Variants in HERC2 observed in about 807,000 individuals in gnomAD.
The protein encoded by HERC2 is E3 ubiquitin-protein ligase HERC2.
In HERC2, 102 loss-of-function variants were observed where a neutral mutation model predicts 537.7. The ratio of observed to expected loss-of-function variants is 0.19; its 90% CI spans 0.16 to 0.22. The LOEUF (loss-of-function observed/expected upper bound fraction) is 0.22. Ranked by LOEUF, HERC2 falls within the 10% of genes least tolerant of loss-of-function variation. The probability of loss-of-function intolerance (pLI) is 1.00; values close to 1 mark genes in which losing one functional copy is unlikely to be tolerated. For synonymous variants in HERC2, 2,224 were observed against 2,466.2 expected, an observed-to-expected ratio of 0.90 and a Z score of 2.91; for missense variants, 4,236 against 6,198.2, an observed-to-expected ratio of 0.68 and a Z score of 10.63.
chr15:28,181,985 G>A (rs1423271273), intron 57 of HERC2, among the ~76,000 whole-genome samples: 1 of 152,176 alleles, frequency 6.6e-6, no homozygotes, highest in African/African-American at 2.4e-5. Flanking sequence ...CTCTCTCTGT[G>A]CAAGCTACTT....
intron 26 of HERC2, among the ~76,000 whole-genome samples, chr15:28,235,302 C>G (rs1902308737): frequency 1.3e-5 from 2 of 152,266 alleles, no homozygotes; most frequent in South Asian, 4.1e-4. Context: ...GCCTCTGATC[C>G]TCCTGTGGAT....
chr15:28,144,431 G>A (rs1357950785), intron 72 of HERC2, among the ~76,000 whole-genome samples, 196 bp from the exon 73 acceptor site: 1 of 152,154 alleles, frequency 6.6e-6, no homozygotes, highest in African/African-American at 2.4e-5. Context: ...AAAAGCCTAA[G>A]AACTGCACCA....
At chr15:28,270,293 G>A (rs1379654047) in intron 10 of HERC2, among the ~76,000 whole-genome samples, 3 of 150,758 alleles carry the variant, frequency 2.0e-5, no homozygotes, top group Non-Finnish European at 4.4e-5. Flanking sequence ...ATGTAATATA[G>A]ATATATAATA....
At position 28,262,955 on chromosome 15, in the gene HERC2, T is replaced by C. The variant is rs935869595; in HGVS notation, c.2085A>G (p.Glu695=). 7 of 1,614,100 alleles carry C rather than the reference T, an allele frequency of 4.3e-6. No homozygotes were observed. Among genetic ancestry groups the C allele is most frequent in the Non-Finnish European group, 5.9e-6 (7 of 1,179,928 alleles). The change falls in exon 15 of 93, where the codon GAA becomes GAG. Residue 695 remains glutamate, a synonymous_variant. Transcript: ENST00000261609. The stretch of plus-strand genomic sequence containing the variant: ...CTAAGAGTTTTGGATAACGAACATG[T>C]TCCTCTGTTCCATGTCCAAGTCTCT... The part of the protein sequence containing the change: ...DNQRLGHGTE[E]HVRYPKLLEG...
At position 28,201,509 on chromosome 15, in the gene HERC2, CT is replaced by C; in HGVS notation, c.7662del (p.Ala2555LeufsTer4). 6.2e-7 allele frequency: 1 copy of C among 1,613,816 alleles called. No homozygotes were observed. The highest frequency in any genetic ancestry group is 8.5e-7 in the Non-Finnish European group (1 of 1,179,680). The part of the protein sequence containing the change: ...VVTESQTYKK[R>X]ADFLSNDDYA... ...TAATCATCATTACTCAAGAAATCAG[CT>C]CGTTTTTTGTACGTCTGGCTCTCCG... On this transcript the variant is annotated frameshift_variant, in exon 48 of 93. Coordinates refer to ENST00000261609, the MANE Select transcript of HERC2 (RefSeq NM_004667.6). LOFTEE classifies it high-confidence loss of function.
rs146468308 is a variant in HERC2 at position 28,277,478 on chromosome 15, A to AG, written c.543-2474dup. ...CACAATTATCTAAAAAAAAAAAAAA[A>AG]GGGGCTTTTTTAAAATTTTAGGAAT... is the stretch of plus-strand genomic sequence containing the variant. On this transcript the variant is annotated intron_variant, in intron 5 of 92. Transcript: ENST00000261609. 5.5e-3 allele frequency among the ~76,000 whole-genome samples: 820 copies of AG among 150,442 alleles called. 2 individuals are homozygous for AG. The highest frequency in any genetic ancestry group is 0.011 in the Admixed American group (173 of 15,122).
At chr15:28,190,813 A>G in intron 55 of HERC2, 152 bp downstream of exon 55, 1 of 629,388 alleles carries the variant, frequency 1.6e-6, no homozygotes, top group Non-Finnish European at 2.8e-6. Context: ...GTACAAAATA[A>G]GTTGTATCTT....
At chr15:28,171,918 C>T (rs903380181) in intron 65 of HERC2, among the ~76,000 whole-genome samples, 2 of 151,722 alleles carry the variant, frequency 1.3e-5, no homozygotes, top group African/African-American at 4.8e-5. Context: ...ACTAAAAATA[C>T]AAAAAAATTA....
chr15:28,301,562 G>A (rs574475383), intron 2 of HERC2, among the ~76,000 whole-genome samples: 54 of 150,280 alleles, frequency 3.6e-4, no homozygotes, highest in African/African-American at 1.3e-3. Flanking sequence ...AACAGGAAAA[G>A]GGAGCATTTC....
intron 5 of HERC2, 54 bp downstream of exon 5, chr15:28,280,014 G>T (rs2141048111): frequency 7.2e-7 from 1 of 1,389,208 alleles, no homozygotes; most frequent in East Asian, 2.3e-5. Flanking sequence ...AAACAAAACA[G>T]TCTGAATTTT....
intron 88 of HERC2, 73 bp downstream of exon 88, chr15:28,116,588 TCAAA>T (rs1168506193): frequency 7.4e-6 from 10 of 1,346,296 alleles, no homozygotes; most frequent in East Asian, 2.3e-5. Context: ...CTGTCACTCC[TCAAA>T]CAGATAGTAC....
At chr15:28,271,124 G>A (rs1206089463) in intron 9 of HERC2, among the ~76,000 whole-genome samples, 7 of 152,002 alleles carry the variant, frequency 4.6e-5, no homozygotes, top group African/African-American at 1.7e-4. Context: ...CAGGTAAGAT[G>A]GATCCACACA....
At chr15:28,228,735 G>T (rs1464936680) in intron 34 of HERC2, among the ~76,000 whole-genome samples, 1 of 152,190 alleles carries the variant, frequency 6.6e-6, no homozygotes, top group Non-Finnish European at 1.5e-5. Flanking sequence ...CTGCACGATG[G>T]GCCTACCCCC....
intron 23 of HERC2, among the ~76,000 whole-genome samples, chr15:28,245,338 G>A (rs1353846676): frequency 6.6e-6 from 1 of 151,900 alleles, no homozygotes; most frequent in African/African-American, 2.4e-5. Context: ...CTTGAGGTCA[G>A]GAGTTCGAGA....
At position 28,238,728 on chromosome 15, in the gene HERC2, T is replaced by A. The variant is rs764760514; in HGVS notation, c.3622A>T (p.Thr1208Ser). ...TCCAAATCAGCTTTGCGTATAAGTG[T>A]CACTTCCTCATTATTTCTACAGTTC... ...GQNCRNNEEVTLIRKADLENH... is the reference protein window; with the variant it reads ...GQNCRNNEEVSLIRKADLENH... Residue 1208 changes from threonine (T) to serine (S), a missense_variant, in exon 24 of 93, where the codon ACA becomes TCA. By Grantham distance (58) the Thr-to-Ser change is moderately conservative. Around this residue, in one of 27 missense-constraint regions of HERC2, gnomAD observed 754 missense variants for 1,085.0 expected, o/e 0.69. Coordinates refer to ENST00000261609, the MANE Select transcript of HERC2 (RefSeq NM_004667.6). The A allele has an allele frequency of 3.7e-6, 6 of 1,611,440 alleles. No individual in the cohort carries two copies. In the African/African-American group the frequency reaches 8.0e-5, roughly 22 times the overall value.
At chr15:28,304,973 T>A (rs2076744476) in intron 2 of HERC2, among the ~76,000 whole-genome samples, 1 of 149,956 alleles carries the variant, frequency 6.7e-6, no homozygotes, top group Admixed American at 6.7e-5. Context: ...GTGTTCGGTT[T>A]TTTATTCTTG....
chr15:28,114,035 G>C (rs974410030), intron 90 of HERC2, among the ~76,000 whole-genome samples: 1 of 152,154 alleles, frequency 6.6e-6, no homozygotes, highest in Non-Finnish European at 1.5e-5. Flanking sequence ...CAGCAGACAC[G>C]ATACGGGGGA....
intron 43 of HERC2, among the ~76,000 whole-genome samples, chr15:28,212,123 TG>T: frequency 6.6e-6 from 1 of 152,282 alleles, no homozygotes; most frequent in Middle Eastern, 3.4e-3. Context: ...ACAGGGTGAC[TG>T]GGCCACAGGG....
At position 28,268,383 on chromosome 15, in the gene HERC2, A is replaced by ACCC. The variant is rs922950388; in HGVS notation, c.1598+81_1598+82insGGG. The ACCC allele has an allele frequency of 9.7e-6, 13 of 1,343,420 alleles. 1 individual carries two copies. Among genetic ancestry groups the ACCC allele is most frequent in the Admixed American group, 9.7e-5 (5 of 51,758 alleles). The allele number at this position is 1,343,420 out of a possible 1,614,324, so 83.2% of individuals were successfully genotyped here. On this transcript the variant is annotated intron_variant, in intron 12 of 92. Coordinates refer to ENST00000261609, the MANE Select transcript of HERC2 (RefSeq NM_004667.6). The surrounding 1 kb of genome is among the most constrained non-coding windows in gnomAD (Gnocchi z 4.7). ...GTCAGGGCAATTGGAAAACACCTGGACACACTTCTGCGCTCCATCCTGTTT... is the reference window on the plus strand; with the variant it reads ...GTCAGGGCAATTGGAAAACACCTGGACCCCACACTTCTGCGCTCCATCCTGTTT...
Sources: gnomAD v4.1 joint callset for allele counts (sites outside exome capture counted in the v4.1 genomes callset) on GRCh38, gnomAD v4.1.1 for gene constraint, gnomAD v4.1.1 regional missense constraint, Gnocchi (gnomAD v3.1) non-coding constraint, MANE v1.5 for transcripts, NCBI Gene and HGNC (gene_info 2026-07-23, HGNC 2026-07-21) for gene names.